Variants in ZSWIM6 observed in about 807,000 individuals in gnomAD.
ZSWIM6 encodes the protein zinc finger SWIM domain-containing protein 6.
A neutral mutation model predicts 113.2 loss-of-function variants in ZSWIM6; 9 were observed. That is an observed-to-expected ratio of 0.08 (90% CI 0.05 to 0.14). The LOEUF (loss-of-function observed/expected upper bound fraction) is 0.14, where lower values mean the gene tolerates loss of function less well. Among genes scored for constraint, ZSWIM6 ranks in the 10% least tolerant of loss-of-function variants. The pLI, the probability that ZSWIM6 is intolerant of heterozygous loss-of-function variation, is 1.00. For synonymous variants in ZSWIM6, 611 were observed against 606.5 expected (o/e 1.01, Z -0.11); for missense variants, 1,162 against 1,552.2 (o/e 0.75, Z 4.22).
chr5:61,452,982 T>C lies in ZSWIM6; in HGVS notation c.677-19699T>C, dbSNP rs564416855. 4.6e-5 allele frequency among the ~76,000 whole-genome samples: 7 copies of C among 152,332 alleles called. No homozygotes were observed. In the South Asian group the frequency reaches 1.4e-3, roughly 32 times the overall value. ...ATTTGAGTTGTCGATGCTTTTCTTA[T>C]GATTAGATTGAGACTGTGTGATTTT... On this transcript the variant is annotated intron_variant, in intron 1 of 13. Coordinates refer to ENST00000252744, the MANE Select transcript of ZSWIM6 (RefSeq NM_020928.2).
chr5:61,470,699 A>T (rs1481978173), intron 1 of ZSWIM6, among the ~76,000 whole-genome samples: 1 of 152,224 alleles, frequency 6.6e-6, no homozygotes, highest in Non-Finnish European at 1.5e-5. Context: ...TTTGTGAAAA[A>T]AAAACCAAAG....
At chr5:61,459,435 G>A (rs1011707266) in intron 1 of ZSWIM6, among the ~76,000 whole-genome samples, 1 of 152,166 alleles carries the variant, frequency 6.6e-6, no homozygotes, top group African/African-American at 2.4e-5. Context: ...TTTGTGTATA[G>A]TAGTATAGTG....
intron 1 of ZSWIM6, among the ~76,000 whole-genome samples, chr5:61,425,484 C>T (rs918023814): frequency 1.3e-5 from 2 of 152,088 alleles, no homozygotes; most frequent in African/African-American, 2.4e-5. Context: ...TAGAAGACAC[C>T]GTGGTTCTAG....
Position 61,472,956 on chromosome 5 carries a change from C to T in ZSWIM6, c.952C>T (p.His318Tyr). The change falls in exon 2 of 14, where the codon CAC (histidine) becomes TAC (tyrosine). Residue 318 changes from histidine to tyrosine, a missense_variant. Physicochemically the swap from His to Tyr is moderately conservative, Grantham distance 83. Around this residue, in one of 4 missense-constraint regions of ZSWIM6, gnomAD observed 96 missense variants for 240.3 expected, o/e 0.40. Coordinates refer to ENST00000252744, the MANE Select transcript of ZSWIM6 (RefSeq NM_020928.2). The surrounding 1 kb of genome is among the most constrained non-coding windows in gnomAD (Gnocchi z 4.1). Reference sequence around the variant, plus strand: ...GTTTGTACAGTATTTGATCACAGTGCACCACACAGAAGTTTTGCCAACTGC... The same window carrying T: ...GTTTGTACAGTATTTGATCACAGTGTACCACACAGAAGTTTTGCCAACTGC... ...QKFVQYLITVHHTEVLPTAQK... is the reference protein window; with the variant it reads ...QKFVQYLITVYHTEVLPTAQK... 6.5e-7 allele frequency: 1 copy of T among 1,549,520 alleles called. No individual in the cohort carries two copies. The highest frequency in any genetic ancestry group is 8.7e-7 in the Non-Finnish European group (1 of 1,145,854).
At chr5:61,444,977 G>T (rs1746920622) in intron 1 of ZSWIM6, among the ~76,000 whole-genome samples, 1 of 152,208 alleles carries the variant, frequency 6.6e-6, no homozygotes, top group Non-Finnish European at 1.5e-5. Context: ...ATATGGATTA[G>T]TTAATAGGAC....
At chr5:61,394,813 C>A (rs1745806426) in intron 1 of ZSWIM6, among the ~76,000 whole-genome samples, 1 of 152,030 alleles carries the variant, frequency 6.6e-6, no homozygotes, top group Non-Finnish European at 1.5e-5. Flanking sequence ...AAACAGTTAC[C>A]CCCTTTTTCC....
At chr5:61,452,101 A>G (rs995297575) in intron 1 of ZSWIM6, among the ~76,000 whole-genome samples, 7 of 152,070 alleles carry the variant, frequency 4.6e-5, no homozygotes, top group Non-Finnish European at 8.8e-5. Flanking sequence ...CCCACTGCAG[A>G]AATTATCCTG....
chr5:61,392,889 G>A (rs1377158077), intron 1 of ZSWIM6, among the ~76,000 whole-genome samples: 1 of 152,100 alleles, frequency 6.6e-6, no homozygotes. Context: ...TGGGATTACA[G>A]GTGTGAGCCA....
Position 61,441,920 on chromosome 5 carries a change from A to G in ZSWIM6, c.677-30761A>G, listed in dbSNP as rs566191896. On this transcript the variant is annotated intron_variant, in intron 1 of 13. Transcript: ENST00000252744. Reference sequence around the variant, plus strand: ...GAGACAGTAAGTATTACGAGGGAAGAAGACTTTATTTGGGTGCTGCTACTG... The same window carrying G: ...GAGACAGTAAGTATTACGAGGGAAGGAGACTTTATTTGGGTGCTGCTACTG... 2.5e-4 allele frequency among the ~76,000 whole-genome samples: 38 copies of G among 152,318 alleles called. 1 individual carries two copies. In the South Asian group the frequency reaches 6.4e-3, roughly 26 times the overall value.
At chr5:61,438,543 G>T (rs183987670) in intron 1 of ZSWIM6, among the ~76,000 whole-genome samples, 9 of 152,284 alleles carry the variant, frequency 5.9e-5, no homozygotes, top group Non-Finnish European at 1.2e-4. Context: ...CTAATAAAAA[G>T]TCTCATGTTC....
At chr5:61,409,003 A>G (rs1397853054) in intron 1 of ZSWIM6, among the ~76,000 whole-genome samples, 1 of 150,662 alleles carries the variant, frequency 6.6e-6, no homozygotes, top group Non-Finnish European at 1.5e-5. Flanking sequence ...GCGGGGTGGC[A>G]CAAGATTTGC....
In ZSWIM6 at chr5:61,402,576, C is replaced by T. The variant is rs1300494296; in HGVS notation, c.676+69628C>T. ...AGGAAGTACTATGTCCAGAAACTAACCAAATGAAGGTGTTTTTAATGACTA... is the reference window on the plus strand; with the variant it reads ...AGGAAGTACTATGTCCAGAAACTAATCAAATGAAGGTGTTTTTAATGACTA... On this transcript the variant is annotated intron_variant, in intron 1 of 13. Coordinates refer to ENST00000252744, the MANE Select transcript of ZSWIM6 (RefSeq NM_020928.2). Among the ~76,000 whole-genome samples the T allele has an allele frequency of 3.9e-5, 6 of 151,900 alleles. No individual in the cohort carries two copies. In the South Asian group the frequency reaches 8.3e-4, roughly 21 times the overall value.
intron 1 of ZSWIM6, among the ~76,000 whole-genome samples, chr5:61,360,154 C>T (rs1745003810): frequency 6.6e-6 from 1 of 152,196 alleles, no homozygotes; most frequent in Non-Finnish European, 1.5e-5. Flanking sequence ...GGTTCTGCTG[C>T]TTTGGAGCCA....
intron 2 of ZSWIM6, among the ~76,000 whole-genome samples, chr5:61,487,131 C>T (rs888519376): frequency 5.3e-5 from 8 of 152,000 alleles, no homozygotes; most frequent in African/African-American, 1.9e-4. Context: ...TTTCCCAGCA[C>T]CATTTATTGA....
intron 1 of ZSWIM6, among the ~76,000 whole-genome samples, chr5:61,430,861 T>G (rs1746566740): frequency 6.6e-6 from 1 of 152,194 alleles, no homozygotes; most frequent in Non-Finnish European, 1.5e-5. Context: ...TGTATAGTTG[T>G]GAAAGTTGCA....
chr5:61,411,470 A>C (rs2112113937), intron 1 of ZSWIM6, among the ~76,000 whole-genome samples: 1 of 152,342 alleles, frequency 6.6e-6, no homozygotes, highest in East Asian at 1.9e-4. Context: ...AAAATGTTTC[A>C]GGAAATTTCA....
chr5:61,543,981 G>C lies in ZSWIM6; in HGVS notation c.3312G>C (p.Leu1104=). Residue 1104 remains leucine, a synonymous_variant, in exon 14 of 14, where the codon CTG becomes CTC. Transcript: ENST00000252744. The surrounding 1 kb of genome is among the most constrained non-coding windows in gnomAD (Gnocchi z 4.3). The part of the protein sequence containing the change: ...VVKSVKCATV[L]SDILRRCTLT... ...AGAGTGTCAAGTGTGCAACGGTACT[G>C]TCAGACATTTTGCGCAGATGCACTC... 1.9e-6 allele frequency: 3 copies of C among 1,551,900 alleles called. No homozygotes were observed. Among genetic ancestry groups the C allele is most frequent in the Non-Finnish European group, 2.6e-6 (3 of 1,147,032 alleles).
intron 2 of ZSWIM6, among the ~76,000 whole-genome samples, chr5:61,474,694 T>G (rs779791943): frequency 5.9e-5 from 9 of 152,218 alleles, no homozygotes; most frequent in Non-Finnish European, 1.2e-4. Context: ...AGCACAGCTC[T>G]AGAGTCTTCT....
intron 10 of ZSWIM6, 28 bp downstream of exon 10, chr5:61,535,647 A>G: frequency 6.5e-7 from 1 of 1,549,656 alleles, no homozygotes; most frequent in Non-Finnish European, 8.7e-7. Context: ...AGCTGGGCAG[A>G]GGCAGGCCAC....
Sources: gnomAD v4.1 joint callset for allele counts (sites outside exome capture counted in the v4.1 genomes callset) on GRCh38, gnomAD v4.1.1 for gene constraint, gnomAD v4.1.1 regional missense constraint, Gnocchi (gnomAD v3.1) non-coding constraint, MANE v1.5 for transcripts, NCBI Gene and HGNC (gene_info 2026-07-23, HGNC 2026-07-21) for gene names.